Variants in SEC14L6 observed in about 807,000 individuals in gnomAD.
SEC14L6 encodes the protein SEC14 like lipid binding 6, also known as SEC14-like protein 6.
In SEC14L6, 40 loss-of-function variants were observed where a neutral mutation model predicts 54.1. The observed-to-expected ratio is 0.74, with a 90% CI of 0.57 to 0.96. The LOEUF (loss-of-function observed/expected upper bound fraction) is 0.96, where lower values mean the gene tolerates loss of function less well. Among genes scored for constraint, SEC14L6 ranks in the 40% least tolerant of loss-of-function variants. The probability of loss-of-function intolerance (pLI) is 0.00; values close to 1 mark genes in which losing one functional copy is unlikely to be tolerated. For missense variants in SEC14L6, 471 were observed against 498.3 expected, an observed-to-expected ratio of 0.95 and a Z score of 0.52; for synonymous variants, 171 against 198.4, an observed-to-expected ratio of 0.86 and a Z score of 1.16.
At chr22:30,525,560 C>A in intron 10 of SEC14L6, 41 bp from the exon 11 acceptor site, 1 of 1,610,332 alleles carries the variant, frequency 6.2e-7, no homozygotes, top group Non-Finnish European at 8.5e-7. Flanking sequence ...CCTGCCTGGG[C>A]TCCAGGCCCC....
intron 11 of SEC14L6, 44 bp from the exon 12 acceptor site, chr22:30,525,153 AC>A: frequency 7.6e-7 from 1 of 1,311,600 alleles, no homozygotes; most frequent in South Asian, 1.3e-5. Flanking sequence ...CCCACCTGGG[AC>A]TCTGACTTCC....
chr22:30,539,203 C>T (rs567650388), intron 1 of SEC14L6, among the ~76,000 whole-genome samples: 80 of 152,122 alleles, frequency 5.3e-4, no homozygotes, highest in South Asian at 3.7e-3. Context: ...ATGGTGAAAC[C>T]CTGTCTGTAC....
Position 30,534,037 on chromosome 22 carries a change from G to A in SEC14L6, c.133C>T (p.Arg45Trp), listed in dbSNP as rs1322360002. The part of the protein sequence containing the change: ...DYFLLRWLQA[R>W]SFDLQKSEDM... Reference sequence around the variant, plus strand: ...TCTGATTTCTGCAGGTCAAAGCTCCGAGCTGCAACAAGAGACAGGGTTATG... The same window carrying A: ...TCTGATTTCTGCAGGTCAAAGCTCCAAGCTGCAACAAGAGACAGGGTTATG... The change falls in exon 3 of 12, where the codon CGG becomes TGG. Residue 45 changes from arginine to tryptophan, a missense_variant and splice_region_variant. Arg to Trp is a moderately radical substitution (Grantham distance 101). Transcript: ENST00000402034. 41 of 1,550,654 alleles carry A rather than the reference G, an allele frequency of 2.6e-5. No homozygotes were observed. Among genetic ancestry groups the A allele is most frequent in the Admixed American group, 1.6e-4 (8 of 50,966 alleles).
intron 8 of SEC14L6, 45 bp downstream of exon 8, chr22:30,529,042 G>A (rs1161255787): frequency 3.4e-6 from 5 of 1,465,036 alleles, no homozygotes; most frequent in Non-Finnish European, 2.8e-6. Context: ...ACCACCCTCA[G>A]CTCAGGATCC....
chr22:30,546,117 T>C (rs1015319300), intron 1 of SEC14L6, among the ~76,000 whole-genome samples: 3 of 150,634 alleles, frequency 2.0e-5, no homozygotes, highest in African/African-American at 7.3e-5. Context: ...GCATGGTGGC[T>C]CATGCCTGTA....
At chr22:30,536,545 A>T (rs1309909007) in intron 2 of SEC14L6, among the ~76,000 whole-genome samples, 1 of 152,202 alleles carries the variant, frequency 6.6e-6, no homozygotes, top group Non-Finnish European at 1.5e-5. Flanking sequence ...TTATGAGAAG[A>T]TGTTAAGCAA....
intron 1 of SEC14L6, chr22:30,543,464 C>A: frequency 6.2e-7 from 1 of 1,612,238 alleles, no homozygotes; most frequent in Non-Finnish European, 8.5e-7. Context: ...ACAGAAACGG[C>A]CTCAACTCTT....
At chr22:30,544,222 C>T (rs1040926053) in intron 1 of SEC14L6, 3 of 594,980 alleles carry the variant, frequency 5.0e-6, no homozygotes, top group Admixed American at 6.1e-5. Flanking sequence ...CAGGGTGGCT[C>T]TTCTCTCCCC....
chr22:30,541,383 T>C (rs900088494), intron 1 of SEC14L6, among the ~76,000 whole-genome samples: 4 of 152,128 alleles, frequency 2.6e-5, no homozygotes, highest in Non-Finnish European at 5.9e-5. Flanking sequence ...TTCTGGCTGA[T>C]AGGAGTGGCT....
intron 8 of SEC14L6, among the ~76,000 whole-genome samples, chr22:30,528,422 C>CCTTTTTTTTTTTT (rs773969166): frequency 7.3e-4 from 77 of 105,520 alleles, no homozygotes; most frequent in African/African-American, 2.9e-3. Context: ...CGCTCGGCCT[C>CCTTTTTTTTTTTT]TTTTTTTTTT....
intron 2 of SEC14L6, among the ~76,000 whole-genome samples, chr22:30,538,236 G>C (rs900386877): frequency 6.6e-6 from 1 of 151,938 alleles, no homozygotes; most frequent in Non-Finnish European, 1.5e-5. Context: ...GGGAGGCTGA[G>C]GCACAAGAAT....
intron 1 of SEC14L6, chr22:30,542,799 G>A (rs188012162): frequency 9.4e-6 from 15 of 1,594,800 alleles, no homozygotes; most frequent in Non-Finnish European, 1.3e-5. Flanking sequence ...GACCAGGCCG[G>A]AAATTAATCT....
chr22:30,532,585 G>A lies in SEC14L6; in HGVS notation c.363C>T (p.Leu121=). 1.3e-6 allele frequency: 2 copies of A among 1,550,604 alleles called. No individual in the cohort carries two copies. Among genetic ancestry groups the A allele is most frequent in the South Asian group, 2.4e-5 (2 of 84,054 alleles). The change falls in exon 5 of 12, where the codon CTC becomes CTT. Residue 121 remains leucine (L), a synonymous_variant. Transcript: ENST00000402034. ...LLLSASKQEL[L]RDSFRSCELL... ...GCTCGCAGCTCCGGAAGCTGTCCCTGAGCAACTCCTGTTTGGAGGCTGAGA... is the reference window on the plus strand; with the variant it reads ...GCTCGCAGCTCCGGAAGCTGTCCCTAAGCAACTCCTGTTTGGAGGCTGAGA...
chr22:30,533,848 T>C, intron 3 of SEC14L6, 148 bp downstream of exon 3: 2 of 726,606 alleles, frequency 2.8e-6, no homozygotes, highest in Non-Finnish European at 4.6e-6. Flanking sequence ...CCCCAGCGCC[T>C]AGCACCAGGC....
chr22:30,542,562 A>G, intron 1 of SEC14L6: 1 of 1,381,800 alleles, frequency 7.2e-7, no homozygotes, highest in Non-Finnish European at 9.4e-7. Flanking sequence ...CGGGCGGCGT[A>G]GCCGCGGCCC....
At position 30,539,058 on chromosome 22, in the gene SEC14L6, C is replaced by T. The variant is rs190388171; in HGVS notation, c.55-156G>A. ...TCAAGCCATAACAGTTTGTTTCCTC[C>T]GTCTTGAAAATGGGATGATATAAAG... On this transcript the variant is annotated intron_variant, in intron 1 of 11. Transcript: ENST00000402034. Among the ~76,000 whole-genome samples the T allele has an allele frequency of 9.9e-5, 15 of 152,206 alleles. No individual in the cohort carries two copies. The South Asian group carries it at 1.7e-3, about 17-fold the overall frequency.
At chr22:30,529,542 T>A (rs1486634696) in intron 6 of SEC14L6, among the ~76,000 whole-genome samples, 193 bp from the exon 7 acceptor site, 2 of 152,164 alleles carry the variant, frequency 1.3e-5, no homozygotes. Context: ...CACTTCTGGT[T>A]TGTTGGATCC....
intron 6 of SEC14L6, 100 bp from the exon 7 acceptor site, chr22:30,529,449 C>T (rs1408187351): frequency 5.4e-6 from 5 of 917,492 alleles, no homozygotes; most frequent in Non-Finnish European, 5.2e-6. Context: ...GCCTTGGCCT[C>T]GAATGCCAAC....
At chr22:30,534,349 T>C (rs1304675150) in intron 2 of SEC14L6, among the ~76,000 whole-genome samples, 1 of 152,148 alleles carries the variant, frequency 6.6e-6, no homozygotes, top group Non-Finnish European at 1.5e-5. Context: ...ATTGTTTAAA[T>C]CAGCAGATCA....
Sources: allele counts gnomAD v4.1 joint callset (sites outside exome capture counted in the v4.1 genomes callset), GRCh38; gene constraint gnomAD v4.1.1; transcripts MANE v1.5; gene names NCBI Gene and HGNC (gene_info 2026-07-23, HGNC 2026-07-21).